The following ACTN4 variants were observed in gnomAD, a reference collection of about 807,000 sequenced individuals.
ACTN4 encodes actinin alpha 4.
Under a neutral mutation model 114.2 loss-of-function variants are expected in ACTN4, and 18 were observed. The ratio of observed to expected loss-of-function variants is 0.16; its 90% CI spans 0.11 to 0.23. The LOEUF (loss-of-function observed/expected upper bound fraction) is 0.23, where lower values mean the gene tolerates loss of function less well. Ranked by LOEUF, ACTN4 falls within the 10% of genes least tolerant of loss-of-function variation. The pLI is 1.00. For synonymous variants in ACTN4, 515 were observed against 506.3 expected, an observed-to-expected ratio of 1.02 and a Z score of -0.23; for missense variants, 722 against 1,262.9, an observed-to-expected ratio of 0.57 and a Z score of 6.49.
intron 1 of ACTN4, among the ~76,000 whole-genome samples, chr19:38,669,154 T>C (rs111779128): frequency 0.041 from 6,277 of 152,142 alleles, 190 homozygotes; most frequent in Middle Eastern, 0.13. Context: ...GCCCAGCTAA[T>C]TTTTGTATTT....
chr19:38,731,338 T>G lies in ACTN4; in HGVS notation c.*1906T>G. The G allele has an allele frequency of 1.3e-6, 1 of 766,870 alleles. No individual in the cohort carries two copies. The highest frequency in any genetic ancestry group is 2.3e-6 in the Non-Finnish European group (1 of 441,754). The allele number at this position is 766,870 out of a possible 1,614,324, so 47.5% of individuals were successfully genotyped here. Reference sequence around the variant, plus strand: ...ATGCCACAGGGTGTCACACCCCAACTCTGCCCCATCCCGGCAGGGTGAGTA... The same window carrying G: ...ATGCCACAGGGTGTCACACCCCAACGCTGCCCCATCCCGGCAGGGTGAGTA... On this transcript the variant is annotated 3_prime_UTR_variant, in exon 21 of 21. Coordinates refer to ENST00000252699, the MANE Select transcript of ACTN4 (RefSeq NM_004924.6).
At chr19:38,654,779 T>G (rs1038488839) in intron 1 of ACTN4, among the ~76,000 whole-genome samples, 5 of 152,112 alleles carry the variant, frequency 3.3e-5, no homozygotes, top group African/African-American at 1.2e-4. Context: ...AGAGAGGCAT[T>G]AACTTGGAAT....
In ACTN4 at chr19:38,731,224, C is replaced by CT; in HGVS notation, c.*1793dup. 1 of 1,612,066 alleles carries CT rather than the reference C, an allele frequency of 6.2e-7. No individual in the cohort carries two copies. The highest frequency in any genetic ancestry group is 1.1e-5 in the South Asian group (1 of 91,036). The stretch of plus-strand genomic sequence containing the variant: ...GTCAGCTGGTTGTTCAGGTGGAAGC[C>CT]TAGGGGGAGGCTGCTTCTGAGCCCA... On this transcript the variant is annotated 3_prime_UTR_variant, in exon 21 of 21. Transcript: ENST00000252699.
intron 1 of ACTN4, among the ~76,000 whole-genome samples, chr19:38,677,970 G>T (rs1439271324): frequency 2.0e-5 from 3 of 152,072 alleles, no homozygotes; most frequent in Non-Finnish European, 2.9e-5. Flanking sequence ...CAAGTCATCT[G>T]CCTGTCTCAG....
chr19:38,669,530 T>C (rs889153195), intron 1 of ACTN4, among the ~76,000 whole-genome samples: 1 of 152,164 alleles, frequency 6.6e-6, no homozygotes, highest in African/African-American at 2.4e-5. Flanking sequence ...CTGTTTTTAC[T>C]TAGAGCACAG....
At position 38,717,079 on chromosome 19, in the gene ACTN4, C is replaced by T; in HGVS notation, c.913-7C>T. ...ACAAAGGCCACGCTGGCTTCTGTGG[C>T]CCACAGCTCCTGGAGTGGATCCGGC... is the stretch of plus-strand genomic sequence containing the variant. On this transcript the variant is annotated splice_region_variant and splice_polypyrimidine_tract_variant and intron_variant, in intron 9 of 20. Coordinates refer to ENST00000252699, the MANE Select transcript of ACTN4 (RefSeq NM_004924.6). The surrounding 1 kb of genome is among the most constrained non-coding windows in gnomAD (Gnocchi z 4.0). 1 of 1,610,964 alleles carries T rather than the reference C, an allele frequency of 6.2e-7. No homozygotes were observed. The highest frequency in any genetic ancestry group is 8.5e-7 in the Non-Finnish European group (1 of 1,178,704).
chr19:38,692,409 C>A (rs1475206539), intron 1 of ACTN4, among the ~76,000 whole-genome samples: 1 of 152,242 alleles, frequency 6.6e-6, no homozygotes, highest in Admixed American at 6.5e-5. Context: ...GTTTTCTGTT[C>A]TTTCAACCTG....
At chr19:38,666,204 T>G (rs1160300911) in intron 1 of ACTN4, among the ~76,000 whole-genome samples, 1 of 144,104 alleles carries the variant, frequency 6.9e-6, no homozygotes, top group Non-Finnish European at 1.6e-5. Flanking sequence ...CCTGATGCCA[T>G]TCTTCAACTT....
chr19:38,729,730 C>T lies in ACTN4; in HGVS notation c.*298C>T, dbSNP rs544908250. 6.3e-5 allele frequency: 37 copies of T among 590,442 alleles called. No individual in the cohort carries two copies. Among genetic ancestry groups the T allele is most frequent in the African/African-American group, 2.0e-4 (11 of 54,696 alleles). The allele number at this position is 590,442 out of a possible 1,614,324, so 36.6% of individuals were successfully genotyped here. A position where few individuals can be genotyped will look rare whatever the true frequency, so the allele number is the denominator to read the frequency against. ...GGCCAGTGGATTCCCACAGCACAAC[C>T]GGTCCCTTCCATGCCCTGGGATGCC... On this transcript the variant is annotated 3_prime_UTR_variant, in exon 21 of 21. Coordinates refer to ENST00000252699, the MANE Select transcript of ACTN4 (RefSeq NM_004924.6).
At chr19:38,696,740 G>A (rs1300519206) in intron 1 of ACTN4, among the ~76,000 whole-genome samples, 2 of 152,274 alleles carry the variant, frequency 1.3e-5, no homozygotes, top group East Asian at 3.9e-4. Flanking sequence ...AAGACATGGG[G>A]TGAGAACAGG....
At chr19:38,712,253 G>T (rs375339964) in intron 8 of ACTN4, among the ~76,000 whole-genome samples, 76 of 152,192 alleles carry the variant, frequency 5.0e-4, no homozygotes, top group African/African-American at 1.7e-3. Context: ...AGAAGGGGGG[G>T]GCCGTACCTT....
chr19:38,673,717 TTATATATA>T (rs1276062796), intron 1 of ACTN4, among the ~76,000 whole-genome samples: 19,174 of 68,986 alleles, frequency 0.28, 5,163 homozygotes, highest in Non-Finnish European at 0.39. Context: ...ATTTATATAT[TTATATATA>T]CTTATATATA....
chr19:38,729,082 G>A lies in ACTN4; in HGVS notation c.2505G>A (p.Met835Ile), dbSNP rs761391018. Residue 835 changes from methionine (M) to isoleucine (I), a missense_variant, in exon 20 of 21, where the codon ATG (methionine) becomes ATA (isoleucine). This residue lies in a region of ACTN4 where 523 missense variants were observed against 875.9 expected (regional missense o/e 0.60). Coordinates refer to ENST00000252699, the MANE Select transcript of ACTN4 (RefSeq NM_004924.6). Reference sequence around the variant, plus strand: ...CCTTCCAAGCCTTCATCGACTTCATGTCGCGGGAGACCACCGACACGGACA... The same window carrying A: ...CCTTCCAAGCCTTCATCGACTTCATATCGCGGGAGACCACCGACACGGACA... The part of the protein sequence containing the change: ...LVTFQAFIDF[M>I]SRETTDTDTA... The A allele has an allele frequency of 9.3e-6, 15 of 1,613,306 alleles. No homozygotes were observed. The highest frequency in any genetic ancestry group is 1.2e-5 in the Non-Finnish European group (14 of 1,180,016).
At chr19:38,720,502 CAG>C (rs1969004118) in intron 11 of ACTN4, among the ~76,000 whole-genome samples, 2 of 152,260 alleles carry the variant, frequency 1.3e-5, no homozygotes, top group Admixed American at 1.3e-4. Flanking sequence ...CCGGTGGAGC[CAG>C]AGTCTCCCAG....
In ACTN4 at chr19:38,710,715, A is replaced by G. The variant is rs1308570299; in HGVS notation, c.819+373A>G. 15 of 361,272 alleles carry G rather than the reference A, an allele frequency of 4.2e-5. 1 individual carries two copies. Among genetic ancestry groups the G allele is most frequent in the Admixed American group, 1.5e-4 (4 of 26,216 alleles). The allele number at this position is 361,272 out of a possible 1,614,324, so 22.4% of individuals were successfully genotyped here. ...GGGTGACCTTCAGCTGGTGCTGTCA[A>G]TGTGGAGGGGTGAAGTGAGCAGGTA... On this transcript the variant is annotated intron_variant, in intron 8 of 20. Transcript: ENST00000252699.
chr19:38,704,056 C>T (rs1000769480), intron 3 of ACTN4, among the ~76,000 whole-genome samples: 7 of 152,184 alleles, frequency 4.6e-5, no homozygotes, highest in African/African-American at 1.2e-4. Flanking sequence ...CTCACACCTG[C>T]AATCCCAGCA....
intron 1 of ACTN4, among the ~76,000 whole-genome samples, chr19:38,687,109 G>T (rs1424525708): frequency 1.3e-5 from 2 of 151,982 alleles, no homozygotes; most frequent in Non-Finnish European, 2.9e-5. Flanking sequence ...GATTACAGGC[G>T]TGTGCCACCA....
chr19:38,675,056 C>A (rs1231726754), intron 1 of ACTN4, among the ~76,000 whole-genome samples: 2 of 152,194 alleles, frequency 1.3e-5, no homozygotes, highest in African/African-American at 2.4e-5. Context: ...TGTGGCCAAA[C>A]CTCTGGGCTC....
intron 1 of ACTN4, among the ~76,000 whole-genome samples, chr19:38,663,350 G>C (rs538863976): frequency 1.4e-3 from 216 of 152,358 alleles, no homozygotes; most frequent in African/African-American, 4.9e-3. Context: ...AGAGCTCTGT[G>C]CCGAGCCTTT....
Sources: allele counts gnomAD v4.1 joint callset (sites outside exome capture counted in the v4.1 genomes callset), GRCh38; gene constraint gnomAD v4.1.1; regional missense constraint gnomAD v4.1.1; non-coding constraint Gnocchi (gnomAD v3.1); transcripts MANE v1.5; gene names NCBI Gene and HGNC (gene_info 2026-07-23, HGNC 2026-07-21).